The following GATA4 variants were observed in gnomAD, a reference collection of about 807,000 sequenced individuals.
GATA4 encodes the protein transcription factor GATA-4.
A neutral mutation model predicts 37.9 loss-of-function variants in GATA4; 7 were observed. The ratio of observed to expected loss-of-function variants is 0.18; its 90% CI spans 0.11 to 0.35. The LOEUF (loss-of-function observed/expected upper bound fraction) is 0.35, where lower values mean the gene tolerates loss of function less well. GATA4 is among the 10% of genes least tolerant of loss of function. The probability of loss-of-function intolerance (pLI) is 1.00; values close to 1 mark genes in which losing one functional copy is unlikely to be tolerated. For missense variants in GATA4, 647 were observed against 653.0 expected, an observed-to-expected ratio of 0.99 and a Z score of 0.10; for synonymous variants, 372 against 292.6, an observed-to-expected ratio of 1.27 and a Z score of -2.77.
At chr8:11,697,926 A>C (rs1436383406) in intron 1 of GATA4, 2 of 985,436 alleles carry the variant, frequency 2.0e-6, no homozygotes, top group East Asian at 2.3e-4. Flanking sequence ...CAGTCCCCTG[A>C]TGTGCGCGTT....
At chr8:11,679,995 A>G (rs1045291950) in intron 1 of GATA4, among the ~76,000 whole-genome samples, 1 of 152,230 alleles carries the variant, frequency 6.6e-6, no homozygotes, top group African/African-American at 2.4e-5. Context: ...GAAGAAAGAA[A>G]GATTGGGAGA....
upstream of GATA4, among the ~76,000 whole-genome samples, chr8:11,702,401 G>T (rs182097050): frequency 4.6e-5 from 7 of 152,000 alleles, no homozygotes; most frequent in Admixed American, 3.9e-4. This position sits in a 1 kb window ranked among gnomAD's most constrained non-coding sequence, Gnocchi z 4.4. Context: ...CCCAAGCCCA[G>T]ATTTTCCACT....
At chr8:11,713,401 G>A (rs1800286611) in intron 2 of GATA4, among the ~76,000 whole-genome samples, 1 of 152,076 alleles carries the variant, frequency 6.6e-6, no homozygotes, top group African/African-American at 2.4e-5. Flanking sequence ...ATTTGCGTAG[G>A]GATCTTGGTG....
At position 11,750,107 on chromosome 8, in the gene GATA4, G is replaced by A. The variant is rs545547434; in HGVS notation, c.787-4G>A. ...ACATGAAGCATTTGTTTCCTGTCTT[G>A]CAGTCCGCCTCCCGCCGAGTGGGCC... is the stretch of plus-strand genomic sequence containing the variant. On this transcript the variant is annotated splice_region_variant and splice_polypyrimidine_tract_variant and intron_variant, in intron 3 of 6. Coordinates refer to ENST00000532059, the MANE Select transcript of GATA4 (RefSeq NM_001308093.3). The A allele has an allele frequency of 3.1e-6, 5 of 1,614,092 alleles. No individual in the cohort carries two copies. In the African/African-American group the frequency reaches 6.7e-5, roughly 22 times the overall value.
At position 11,707,061 on chromosome 8, in the gene GATA4, C is replaced by G. The variant is rs935921187; in HGVS notation, c.-457-795C>G. On this transcript the variant is annotated intron_variant, in intron 1 of 6. Transcript: ENST00000532059. This position sits in a 1 kb window ranked among gnomAD's most constrained non-coding sequence, Gnocchi z 4.7. ...TCTGCTTATGGGTGGATTTATTATTCTATATGAAGAACCCATTCAGTGAAT... is the reference window on the plus strand; with the variant it reads ...TCTGCTTATGGGTGGATTTATTATTGTATATGAAGAACCCATTCAGTGAAT... Among the ~76,000 whole-genome samples, 2 of 152,212 alleles carry G rather than the reference C, an allele frequency of 1.3e-5. No homozygotes were observed. Among genetic ancestry groups the G allele is most frequent in the Non-Finnish European group, 2.9e-5 (2 of 68,038 alleles).
At chr8:11,686,627 A>C (rs1004819105) in intron 1 of GATA4, among the ~76,000 whole-genome samples, 1 of 152,220 alleles carries the variant, frequency 6.6e-6, no homozygotes, top group Non-Finnish European at 1.5e-5. Context: ...CTGCACAGGC[A>C]TAGTGGTAGG....
intron 2 of GATA4, among the ~76,000 whole-genome samples, chr8:11,720,603 C>G (rs1433512676): frequency 6.6e-6 from 1 of 152,184 alleles, no homozygotes; most frequent in African/African-American, 2.4e-5. Context: ...CCTCCTCCCA[C>G]CCTCCACTCT....
At position 11,708,713 on chromosome 8, in the gene GATA4, G is replaced by A; in HGVS notation, c.401G>A (p.Ser134Asn). ...AAAREAAAYS[S>N]GGGAAGAGLA... ...GCCCGGGAAGCTGCGGCCTACAGCA[G>A]TGGCGGCGGAGCGGCGGGTGCGGGC... is the stretch of plus-strand genomic sequence containing the variant. Residue 134 changes from serine (S) to asparagine (N), a missense_variant, in exon 2 of 7, where the codon AGT becomes AAT. By Grantham distance (46) the Ser-to-Asn change is conservative (BLOSUM62 1). Coordinates refer to ENST00000532059, the MANE Select transcript of GATA4 (RefSeq NM_001308093.3). The surrounding 1 kb of genome is among the most constrained non-coding windows in gnomAD (Gnocchi z 6.7). 7.9e-7 allele frequency: 1 copy of A among 1,271,386 alleles called. No individual in the cohort carries two copies. The highest frequency in any genetic ancestry group is 3.3e-5 in the East Asian group (1 of 30,380). The allele number at this position is 1,271,386 out of a possible 1,614,324, so 78.8% of individuals were successfully genotyped here. A position where few individuals can be genotyped will look rare whatever the true frequency, so the allele number is the denominator to read the frequency against.
chr8:11,742,698 G>A (rs1035373725), intron 2 of GATA4, among the ~76,000 whole-genome samples: 2 of 152,252 alleles, frequency 1.3e-5, no homozygotes, highest in South Asian at 2.1e-4. Flanking sequence ...GGCATCTGCC[G>A]AGCCTGACGA....
At chr8:11,682,055 G>A (rs1364531346) in intron 1 of GATA4, among the ~76,000 whole-genome samples, 2 of 152,144 alleles carry the variant, frequency 1.3e-5, no homozygotes, top group Admixed American at 6.5e-5. Flanking sequence ...TTAATTTCTG[G>A]ATATTAAACT....
At position 11,708,126 on chromosome 8, in the gene GATA4, T is replaced by G; in HGVS notation, c.-187T>G. Reference sequence around the variant, plus strand: ...CGGAGTAAACAAGAGCCTAGAGCCCTTTGCTCAATGCTGGATTTAATACGT... The same window carrying G: ...CGGAGTAAACAAGAGCCTAGAGCCCGTTGCTCAATGCTGGATTTAATACGT... On this transcript the variant is annotated 5_prime_UTR_variant, in exon 2 of 7. Transcript: ENST00000532059. This position sits in a 1 kb window ranked among gnomAD's most constrained non-coding sequence, Gnocchi z 6.7. 2 of 732,316 alleles carry G rather than the reference T, an allele frequency of 2.7e-6. No individual in the cohort carries two copies. Among genetic ancestry groups the G allele is most frequent in the Non-Finnish European group, 4.8e-6 (2 of 418,112 alleles). The allele number at this position is 732,316 out of a possible 1,614,324, so 45.4% of individuals were successfully genotyped here.
Position 11,708,274 on chromosome 8 carries a change from G to GGA in GATA4, c.-31_-30dup, listed in dbSNP as rs1230003534. On this transcript the variant is annotated 5_prime_UTR_variant, in exon 2 of 7. Coordinates refer to ENST00000532059, the MANE Select transcript of GATA4 (RefSeq NM_001308093.3). The surrounding 1 kb of genome is among the most constrained non-coding windows in gnomAD (Gnocchi z 6.7). ...CCCGCGTGGCTCCTTGACCTGCGAG[G>GGA]GAGAGAGAGGACACCGAAGCCGGGA... 2.6e-6 allele frequency: 4 copies of GGA among 1,552,246 alleles called. No homozygotes were observed. The highest frequency in any genetic ancestry group is 3.5e-6 in the Non-Finnish European group (4 of 1,155,376).
rs543278034 is a variant in GATA4, at chr8:11,726,300, A to G, written c.616+17372A>G. On this transcript the variant is annotated intron_variant, in intron 2 of 6. Coordinates refer to ENST00000532059, the MANE Select transcript of GATA4 (RefSeq NM_001308093.3). ...CATGTGGATCCCTGGCCAGTTTTAC[A>G]GGGAGAAGGACCCTGAGAGACGCCA... Among the ~76,000 whole-genome samples, 9 of 152,366 alleles carry G rather than the reference A, an allele frequency of 5.9e-5. No individual in the cohort carries two copies. In the South Asian group the frequency reaches 1.9e-3, roughly 32 times the overall value.
At chr8:11,725,204 G>C (rs1160832043) in intron 2 of GATA4, among the ~76,000 whole-genome samples, 1 of 152,272 alleles carries the variant, frequency 6.6e-6, no homozygotes, top group Non-Finnish European at 1.5e-5. Context: ...ATCCGGTCAT[G>C]TGGCCCAGGC....
intron 1 of GATA4, among the ~76,000 whole-genome samples, chr8:11,685,280 G>C (rs1289368297): frequency 6.6e-6 from 1 of 152,236 alleles, no homozygotes; most frequent in East Asian, 1.9e-4. Flanking sequence ...AGTCGAGAAA[G>C]AGAAGAGAGA....
chr8:11,695,755 C>G (rs980372694), intron 1 of GATA4, among the ~76,000 whole-genome samples: 12 of 152,142 alleles, frequency 7.9e-5, no homozygotes, highest in African/African-American at 1.9e-4. Context: ...GAGGATAACC[C>G]TCACTCTGAC....
At chr8:11,716,635 G>C (rs1351410117) in intron 2 of GATA4, among the ~76,000 whole-genome samples, 1 of 152,192 alleles carries the variant, frequency 6.6e-6, no homozygotes, top group Non-Finnish European at 1.5e-5. Flanking sequence ...CACTACTGTG[G>C]CTTCCCCACT....
At chr8:11,696,007 G>A (rs932511018) in intron 1 of GATA4, among the ~76,000 whole-genome samples, 6 of 152,204 alleles carry the variant, frequency 3.9e-5, no homozygotes, top group Non-Finnish European at 5.9e-5. Flanking sequence ...AGTCAAACGT[G>A]TACCAGGGAT....
chr8:11,751,362 C>T (rs1802293162), intron 4 of GATA4, among the ~76,000 whole-genome samples: 1 of 152,160 alleles, frequency 6.6e-6, no homozygotes. Context: ...GTTGCTTCCA[C>T]ATATACAGAA....
Sources: gnomAD v4.1 joint callset for allele counts (sites outside exome capture counted in the v4.1 genomes callset) on GRCh38, gnomAD v4.1.1 for gene constraint, Gnocchi (gnomAD v3.1) non-coding constraint, MANE v1.5 for transcripts, NCBI Gene and HGNC (gene_info 2026-07-23, HGNC 2026-07-21) for gene names.